RALGPS1: variants seen among roughly 807,000 people sequenced by gnomAD.
The protein encoded by RALGPS1 is ras-specific guanine nucleotide-releasing factor RalGPS1.
A neutral mutation model predicts 78.8 loss-of-function variants in RALGPS1; 19 were observed. That is an observed-to-expected ratio of 0.24 (90% CI 0.17 to 0.35). RALGPS1 has a LOEUF of 0.35. Ranked by LOEUF, RALGPS1 falls within the 10% of genes least tolerant of loss-of-function variation. RALGPS1 has a pLI of 1.00. For missense variants in RALGPS1, 454 were observed against 688.3 expected, an observed-to-expected ratio of 0.66 and a Z score of 3.81; for synonymous variants, 228 against 256.3, an observed-to-expected ratio of 0.89 and a Z score of 1.06.
At chr9:126,927,031 G>T (rs2035345225) in intron 1 of RALGPS1, among the ~76,000 whole-genome samples, 1 of 152,168 alleles carries the variant, frequency 6.6e-6, no homozygotes, top group Admixed American at 6.5e-5. Context: ...TGCCCACTTG[G>T]TGACTGGCCT....
intron 1 of RALGPS1, among the ~76,000 whole-genome samples, chr9:126,925,706 TA>T (rs567133671): frequency 1.0e-4 from 15 of 150,216 alleles, no homozygotes; most frequent in African/African-American, 3.2e-4. Flanking sequence ...CCCTATCTCT[TA>T]AAAAAAAAAT....
At chr9:127,068,732 A>G (rs2049929070) in intron 7 of RALGPS1, among the ~76,000 whole-genome samples, 1 of 152,226 alleles carries the variant, frequency 6.6e-6, no homozygotes, top group African/African-American at 2.4e-5. Flanking sequence ...CAGCAGCAGC[A>G]GAGATGTTGC....
At chr9:127,095,154 T>C (rs2052969531) in intron 8 of RALGPS1, among the ~76,000 whole-genome samples, 1 of 152,186 alleles carries the variant, frequency 6.6e-6, no homozygotes, top group Non-Finnish European at 1.5e-5. Context: ...ATCCCAGCAC[T>C]TTGGGAGGCT....
In RALGPS1 at chr9:127,122,165, G is replaced by A. The variant is rs193284990; in HGVS notation, c.611-43904G>A. On this transcript the variant is annotated intron_variant, in intron 8 of 18. Transcript: ENST00000259351. This position sits in a 1 kb window ranked among gnomAD's most constrained non-coding sequence, Gnocchi z 6.4. ...ACAGGTTCTGCCCCGGACATGCCTC[G>A]TTTGGCTCCAAGCGATAGCAGGGAG... The A allele has an allele frequency of 5.1e-4, 77 of 152,290 alleles. No homozygotes were observed. The East Asian group carries it at 0.01, about 20-fold the overall frequency. The allele number at this position is 152,290 out of a possible 1,614,324, so 9.4% of individuals were successfully genotyped here.
intron 4 of RALGPS1, among the ~76,000 whole-genome samples, chr9:127,014,027 C>A (rs1294151693): frequency 6.6e-6 from 1 of 152,220 alleles, no homozygotes; most frequent in African/African-American, 2.4e-5. Flanking sequence ...GCTGTGTCCT[C>A]CTAAGCTTTG....
chr9:126,975,901 G>C (rs1021321688), intron 3 of RALGPS1, among the ~76,000 whole-genome samples: 1 of 152,168 alleles, frequency 6.6e-6, no homozygotes, highest in South Asian at 2.1e-4. Flanking sequence ...AGCCAGGCTG[G>C]TGGCAGCATC....
chr9:127,065,700 A>T (rs1229409991), intron 7 of RALGPS1, among the ~76,000 whole-genome samples: 2 of 151,902 alleles, frequency 1.3e-5, no homozygotes, highest in Non-Finnish European at 2.9e-5. Flanking sequence ...TTCTCTGGGG[A>T]CATCTCTTCC....
At chr9:126,969,263 A>G (rs556405121) in intron 3 of RALGPS1, among the ~76,000 whole-genome samples, 5 of 152,318 alleles carry the variant, frequency 3.3e-5, no homozygotes, top group Admixed American at 2.0e-4. Flanking sequence ...AGGTCTCACT[A>G]TGTTGCCCAG....
intron 4 of RALGPS1, among the ~76,000 whole-genome samples, chr9:126,992,385 A>T (rs2042357880): frequency 6.6e-6 from 1 of 152,206 alleles, no homozygotes; most frequent in Non-Finnish European, 1.5e-5. Flanking sequence ...AAATTTTTTA[A>T]TACCTCTTTG....
At chr9:126,970,654 A>T (rs1368645435) in intron 3 of RALGPS1, among the ~76,000 whole-genome samples, 1 of 152,084 alleles carries the variant, frequency 6.6e-6, no homozygotes, top group Non-Finnish European at 1.5e-5. Context: ...TGAGAGAGAG[A>T]AATCTCAAGA....
At chr9:127,029,088 T>A (rs928814034) in intron 4 of RALGPS1, among the ~76,000 whole-genome samples, 2 of 152,076 alleles carry the variant, frequency 1.3e-5, no homozygotes, top group Non-Finnish European at 2.9e-5. Flanking sequence ...GCCACAGCAG[T>A]CAGTATATAT....
chr9:126,986,189 G>A (rs1401690079), intron 4 of RALGPS1, among the ~76,000 whole-genome samples: 2 of 152,198 alleles, frequency 1.3e-5, no homozygotes, highest in Non-Finnish European at 1.5e-5. Flanking sequence ...CCAGGCAGAC[G>A]GTGAGTTAAG....
At chr9:127,108,259 A>C in intron 8 of RALGPS1, 1 of 1,613,836 alleles carries the variant, frequency 6.2e-7, no homozygotes, top group Non-Finnish European at 8.5e-7. Flanking sequence ...CCTGTTCTCC[A>C]GCTGGGAGAG....
intron 8 of RALGPS1, among the ~76,000 whole-genome samples, chr9:127,112,160 G>C (rs557338396): frequency 8.2e-4 from 125 of 152,356 alleles, no homozygotes; most frequent in African/African-American, 3.0e-3. Flanking sequence ...AGGCCTCTCT[G>C]AGGCTAGGCA....
intron 8 of RALGPS1, among the ~76,000 whole-genome samples, chr9:127,158,405 ATTCAT>A (rs1340977382): frequency 2.0e-5 from 3 of 152,064 alleles, no homozygotes; most frequent in Non-Finnish European, 4.4e-5. Context: ...CCTACTAAGC[ATTCAT>A]TTCATCTAGA....
intron 4 of RALGPS1, among the ~76,000 whole-genome samples, chr9:126,986,867 G>A (rs1221740332): frequency 2.0e-5 from 3 of 152,182 alleles, no homozygotes; most frequent in African/African-American, 4.8e-5. Flanking sequence ...GACAAGTCAT[G>A]TATTTTCTTT....
At chr9:127,150,442 C>T (rs1462733655) in intron 8 of RALGPS1, among the ~76,000 whole-genome samples, 1 of 152,238 alleles carries the variant, frequency 6.6e-6, no homozygotes, top group Non-Finnish European at 1.5e-5. Flanking sequence ...TTGCTTTAGG[C>T]TTTCCAAGCT....
At chr9:127,181,311 C>G (rs541689491) in intron 11 of RALGPS1, among the ~76,000 whole-genome samples, 13 of 152,354 alleles carry the variant, frequency 8.5e-5, no homozygotes, top group African/African-American at 3.1e-4. Flanking sequence ...CAAGCACCAT[C>G]GTAAGTGCTT....
Position 127,069,236 on chromosome 9 carries a change from A to C in RALGPS1, c.490A>C (p.Asn164His). ...TATTTTCTTCTCATTCTAGCTTTTAAATCGAAAAGACAAGACTACCTTTGA... is the reference window on the plus strand; with the variant it reads ...TATTTTCTTCTCATTCTAGCTTTTACATCGAAAAGACAAGACTACCTTTGA... ...FRLTKTWALLNRKDKTTFEKL... is the reference protein window; with the variant it reads ...FRLTKTWALLHRKDKTTFEKL... The change falls in exon 8 of 19, where the codon AAT becomes CAT. Residue 164 changes from asparagine to histidine, a missense_variant. Coordinates refer to ENST00000259351, the MANE Select transcript of RALGPS1 (RefSeq NM_014636.3). 6.2e-7 allele frequency: 1 copy of C among 1,605,632 alleles called. No individual in the cohort carries two copies. The highest frequency in any genetic ancestry group is 8.5e-7 in the Non-Finnish European group (1 of 1,173,540).
Sources: gnomAD v4.1 joint callset for allele counts (sites outside exome capture counted in the v4.1 genomes callset) on GRCh38, gnomAD v4.1.1 for gene constraint, Gnocchi (gnomAD v3.1) non-coding constraint, MANE v1.5 for transcripts, NCBI Gene and HGNC (gene_info 2026-07-23, HGNC 2026-07-21) for gene names.